The following EPHB1 variants were observed in gnomAD, a reference collection of about 807,000 sequenced individuals.
The protein encoded by EPHB1 is EPH receptor B1.
In EPHB1, 30 loss-of-function variants were observed where a neutral mutation model predicts 94.4. That is an observed-to-expected ratio of 0.32 (90% CI 0.24 to 0.43). The LOEUF (loss-of-function observed/expected upper bound fraction) is 0.43. Ranked by LOEUF, EPHB1 falls within the 20% of genes least tolerant of loss-of-function variation. The pLI, the probability that EPHB1 is intolerant of heterozygous loss-of-function variation, is 1.00. For synonymous variants in EPHB1, 522 were observed against 489.1 expected, an observed-to-expected ratio of 1.07 and a Z score of -0.89; for missense variants, 1,055 against 1,308.3, an observed-to-expected ratio of 0.81 and a Z score of 2.99.
intron 1 of EPHB1, among the ~76,000 whole-genome samples, chr3:134,820,629 C>T (rs961855236): frequency 6.6e-6 from 1 of 152,146 alleles, no homozygotes; most frequent in African/African-American, 2.4e-5. Context: ...TCTTTCACAG[C>T]AAGTTCTTGA....
chr3:135,158,415 C>T (rs1490050526), intron 6 of EPHB1, among the ~76,000 whole-genome samples: 7 of 152,168 alleles, frequency 4.6e-5, no homozygotes, highest in South Asian at 2.1e-4. Context: ...GCCTTTGTAG[C>T]GGGAAAGTAG....
intron 1 of EPHB1, among the ~76,000 whole-genome samples, chr3:134,849,535 A>G (rs536971013): frequency 2.6e-5 from 4 of 152,142 alleles, no homozygotes; most frequent in Non-Finnish European, 4.4e-5. Context: ...GCTTACGAGC[A>G]TTTGCAGTTG....
intron 1 of EPHB1, among the ~76,000 whole-genome samples, chr3:134,813,153 C>G (rs541771161): frequency 6.6e-6 from 1 of 152,256 alleles, no homozygotes; most frequent in East Asian, 1.9e-4. Context: ...GAAATATGCC[C>G]CCAAACAGGG....
intron 3 of EPHB1, among the ~76,000 whole-genome samples, chr3:135,030,759 A>G (rs375489628): frequency 2.0e-5 from 3 of 152,170 alleles, no homozygotes; most frequent in Non-Finnish European, 2.9e-5. Context: ...CACCCAGTTC[A>G]AGCTTCCCTG....
intron 4 of EPHB1, among the ~76,000 whole-genome samples, chr3:135,115,082 G>T (rs1939636162): frequency 6.6e-6 from 1 of 152,160 alleles, no homozygotes. Flanking sequence ...GTTCTTGTCG[G>T]TCCTTCCTTG....
At chr3:135,118,613 A>G (rs1488079701) in intron 4 of EPHB1, among the ~76,000 whole-genome samples, 2 of 152,188 alleles carry the variant, frequency 1.3e-5, no homozygotes, top group Non-Finnish European at 2.9e-5. Context: ...GAGGAGGACT[A>G]TTGCCTCTGA....
At chr3:134,833,281 C>T (rs113482539) in intron 1 of EPHB1, among the ~76,000 whole-genome samples, 166 of 152,316 alleles carry the variant, frequency 1.1e-3, no homozygotes, top group African/African-American at 3.7e-3. Flanking sequence ...ACCCTGCCCC[C>T]GTCCCCAGGC....
At chr3:135,211,823 C>T (rs1238413967) in intron 12 of EPHB1, among the ~76,000 whole-genome samples, 1 of 152,132 alleles carries the variant, frequency 6.6e-6, no homozygotes, top group Non-Finnish European at 1.5e-5. Flanking sequence ...CTTTTTTCCC[C>T]AAATTTATCC....
chr3:135,131,929 T>C (rs940638), intron 4 of EPHB1, among the ~76,000 whole-genome samples: 34,150 of 152,184 alleles, frequency 0.22, 4,236 homozygotes, highest in South Asian at 0.29. Context: ...ATGCGATCTA[T>C]AGCCAGCCTC....
intron 9 of EPHB1, among the ~76,000 whole-genome samples, chr3:135,170,077 T>C (rs1941763824): frequency 6.6e-6 from 1 of 152,174 alleles, no homozygotes; most frequent in Non-Finnish European, 1.5e-5. Flanking sequence ...TCTGAGATCT[T>C]CCTGACCAGG....
intron 3 of EPHB1, chr3:134,978,130 C>T: frequency 2.6e-6 from 1 of 387,546 alleles, no homozygotes; most frequent in African/African-American, 2.2e-5. Flanking sequence ...TCCCTTTCTC[C>T]CCTCAGAAGC....
At chr3:134,923,341 G>A (rs2038726080) in intron 1 of EPHB1, among the ~76,000 whole-genome samples, 1 of 152,150 alleles carries the variant, frequency 6.6e-6, no homozygotes, top group Non-Finnish European at 1.5e-5. Context: ...TTAAGCTGTG[G>A]AGGAAGGCAC....
rs759314614 is a variant in EPHB1, at chr3:135,094,870, C to A, written c.806-11578C>A. Among the ~76,000 whole-genome samples, 11 of 152,354 alleles carry A rather than the reference C, an allele frequency of 7.2e-5. No homozygotes were observed. The East Asian group carries it at 2.1e-3, about 29-fold the overall frequency. Reference sequence around the variant, plus strand: ...AGGAATCTCTGGTCAGAGGTCTGTTCCCTGTACCATTCCAAAGTCCAGAAG... The same window carrying A: ...AGGAATCTCTGGTCAGAGGTCTGTTACCTGTACCATTCCAAAGTCCAGAAG... On this transcript the variant is annotated intron_variant, in intron 3 of 15. Transcript: ENST00000398015.
intron 3 of EPHB1, among the ~76,000 whole-genome samples, chr3:135,016,516 A>G (rs1048916972): frequency 6.6e-6 from 1 of 152,158 alleles, no homozygotes; most frequent in Non-Finnish European, 1.5e-5. Context: ...AACCACCACC[A>G]CTCTGGGCAA....
In EPHB1 at chr3:135,039,501, C is replaced by T. The variant is rs553428389; in HGVS notation, c.806-66947C>T. Among the ~76,000 whole-genome samples the T allele has an allele frequency of 2.4e-3, 361 of 152,340 alleles. 1 individual carries two copies. The highest frequency in any genetic ancestry group is 3.7e-3 in the Non-Finnish European group (253 of 68,018). On this transcript the variant is annotated intron_variant, in intron 3 of 15. Transcript: ENST00000398015. ...GGGTGGTGCTCCCGTCGGGGAGGCT[C>T]GGGCTGCACAGGAGCCCACGGAGTG...
intron 3 of EPHB1, among the ~76,000 whole-genome samples, chr3:135,032,505 G>A (rs551353692): frequency 2.0e-5 from 3 of 151,990 alleles, no homozygotes; most frequent in Non-Finnish European, 4.4e-5. Flanking sequence ...TGAATCCTCT[G>A]TTTGTAGGTT....
At chr3:135,082,699 A>C (rs1457949219) in intron 3 of EPHB1, among the ~76,000 whole-genome samples, 1 of 152,252 alleles carries the variant, frequency 6.6e-6, no homozygotes, top group African/African-American at 2.4e-5. Context: ...AGATAGTGAG[A>C]TTCATGTGAG....
chr3:134,910,016 C>G (rs531741800), intron 1 of EPHB1, among the ~76,000 whole-genome samples: 1 of 152,312 alleles, frequency 6.6e-6, no homozygotes, highest in East Asian at 1.9e-4. Flanking sequence ...CCTCCTAGTC[C>G]ATTCCCTCCA....
At chr3:134,949,426 ACTATGC>A (rs3841929) in intron 2 of EPHB1, among the ~76,000 whole-genome samples, 74,776 of 151,290 alleles carry the variant, frequency 0.49, 19,257 homozygotes, top group African/African-American at 0.63. Context: ...ACCTCTCCAC[ACTATGC>A]CTGTTTTTTG....
Sources: gnomAD v4.1 joint callset for allele counts (sites outside exome capture counted in the v4.1 genomes callset) on GRCh38, gnomAD v4.1.1 for gene constraint, MANE v1.5 for transcripts, NCBI Gene and HGNC (gene_info 2026-07-23, HGNC 2026-07-21) for gene names.